Variants in SMIM40 observed in about 807,000 individuals in gnomAD.
SMIM40 encodes the protein small integral membrane protein 40.
intron 1 of SMIM40, among the ~76,000 whole-genome samples, chr6:33,326,087 G>T (rs1771152852): frequency 6.7e-6 from 1 of 149,118 alleles, no homozygotes; most frequent in African/African-American, 2.6e-5. Flanking sequence ...AAGTGGAGTA[G>T]TAGTAGGAGC....
At chr6:33,326,110 G>A (rs906161943) in intron 1 of SMIM40, among the ~76,000 whole-genome samples, 4 of 148,708 alleles carry the variant, frequency 2.7e-5, no homozygotes, top group Non-Finnish European at 5.9e-5. Context: ...AAGGAAAAAA[G>A]AGGTGATGAA....
At chr6:33,325,065 T>TA (rs985537406) in intron 1 of SMIM40, among the ~76,000 whole-genome samples, 1 of 151,704 alleles carries the variant, frequency 6.6e-6, no homozygotes, top group East Asian at 1.9e-4. Flanking sequence ...CTAATTTTTT[T>TA]AAAAAAAGTT....
chr6:33,323,868 T>G lies in SMIM40; in HGVS notation c.*100-4A>C, dbSNP rs1770960566. The stretch of plus-strand genomic sequence containing the variant: ...CAAATTGCCGCTGCGAGGGCTGCTG[T>G]GAGGCGAAATGAGGCTCATAAAATA... On this transcript the variant is annotated splice_region_variant and splice_polypyrimidine_tract_variant and intron_variant, in intron 2 of 2. Coordinates refer to ENST00000494082, the MANE Select transcript of SMIM40 (RefSeq NM_001369203.1). The G allele has an allele frequency of 6.6e-6, 1 of 152,292 alleles. No homozygotes were observed. The highest frequency in any genetic ancestry group is 1.5e-5 in the Non-Finnish European group (1 of 68,086). The allele number at this position is 152,292 out of a possible 1,614,324, so 9.4% of individuals were successfully genotyped here.
At chr6:33,326,200 G>A (rs1771160298) in intron 1 of SMIM40, among the ~76,000 whole-genome samples, 1 of 144,626 alleles carries the variant, frequency 6.9e-6, no homozygotes, top group South Asian at 2.2e-4. Context: ...TTGCTCTGTC[G>A]CCCAGGCTGG....
At position 33,329,119 on chromosome 6, in the gene SMIM40, C is replaced by T; in HGVS notation, c.147G>A (p.Glu49=). ...LALFLTLLML[E]AAYKLLWLLL... is the part of the protein sequence containing the mutation. The stretch of plus-strand genomic sequence containing the variant: ...GTAACCACAGCAGCTTATAAGCAGC[C>T]TCCAGCATCAGCAGTGTCAGGAAGA... The change falls in exon 1 of 3, where the codon GAG becomes GAA. Residue 49 remains glutamate (E), a synonymous_variant. Coordinates refer to ENST00000494082, the MANE Select transcript of SMIM40 (RefSeq NM_001369203.1). 2.5e-6 allele frequency: 1 copy of T among 398,920 alleles called. No individual in the cohort carries two copies. Among genetic ancestry groups the T allele is most frequent in the East Asian group, 3.6e-5 (1 of 28,090 alleles). The allele number at this position is 398,920 out of a possible 1,614,324, so 24.7% of individuals were successfully genotyped here.
At chr6:33,327,187 C>T (rs929226374) in intron 1 of SMIM40, among the ~76,000 whole-genome samples, 2 of 148,324 alleles carry the variant, frequency 1.3e-5, no homozygotes, top group Non-Finnish European at 2.9e-5. Context: ...TTTGGGAGGC[C>T]GAGGCAGGCA....
intron 1 of SMIM40, among the ~76,000 whole-genome samples, chr6:33,324,545 C>CTTTTTTTTTTTTTTTTTTCCTTTTT (rs1771014179): frequency 3.9e-5 from 4 of 103,214 alleles, no homozygotes; most frequent in African/African-American, 1.4e-4. Context: ...ACCACCTTTT[C>CTTTTTTTTTTTTTTTTTTCCTTTTT]TTTTTTTTTT....
chr6:33,329,103 G>T lies in SMIM40; in HGVS notation c.163C>A (p.Leu55Met). Residue 55 changes from leucine to methionine, a missense_variant, in exon 1 of 3, where the codon CTG (leucine) becomes ATG (methionine). Transcript: ENST00000494082. ...LLMLEAAYKLLWLLLWAKLGD... is the reference protein window; with the variant it reads ...LLMLEAAYKLMWLLLWAKLGD... Reference sequence around the variant, plus strand: ...AACTTTGCCCATAGTAGTAACCACAGCAGCTTATAAGCAGCCTCCAGCATC... The same window carrying T: ...AACTTTGCCCATAGTAGTAACCACATCAGCTTATAAGCAGCCTCCAGCATC... 1 of 398,880 alleles carries T rather than the reference G, an allele frequency of 2.5e-6. No homozygotes were observed. The highest frequency in any genetic ancestry group is 4.4e-6 in the Non-Finnish European group (1 of 226,284). The allele number at this position is 398,880 out of a possible 1,614,324, so 24.7% of individuals were successfully genotyped here. A position where few individuals can be genotyped will look rare whatever the true frequency, so the allele number is the denominator to read the frequency against.
intron 1 of SMIM40, 76 bp downstream of exon 1, chr6:33,328,911 A>C: frequency 5.4e-6 from 2 of 371,906 alleles, no homozygotes; most frequent in Non-Finnish European, 4.7e-6. Flanking sequence ...AAAAAAAAAG[A>C]CTGCTGCCCT....
At position 33,326,385 on chromosome 6, in the gene SMIM40, C is replaced by G. The variant is rs535757671; in HGVS notation, c.*40-2355G>C. On this transcript the variant is annotated intron_variant, in intron 1 of 2. Transcript: ENST00000494082. ...TGGATATGGGTTTTTGGCATGTTGG[C>G]CAGGCTGGTCTCAAACTCCTGACCT... is the stretch of plus-strand genomic sequence containing the variant. Among the ~76,000 whole-genome samples the G allele has an allele frequency of 1.9e-4, 28 of 147,278 alleles. No homozygotes were observed. The East Asian group carries it at 5.3e-3, about 28-fold the overall frequency.
chr6:33,325,512 T>C (rs1373942822), intron 1 of SMIM40, among the ~76,000 whole-genome samples: 1 of 148,770 alleles, frequency 6.7e-6, no homozygotes, highest in African/African-American at 2.6e-5. Context: ...CCCAGACTAC[T>C]ATCTTATTAA....
chr6:33,325,667 C>G (rs1233352550), intron 1 of SMIM40, among the ~76,000 whole-genome samples: 1 of 141,788 alleles, frequency 7.1e-6, no homozygotes, highest in Non-Finnish European at 1.5e-5. Context: ...CGGTGAAACC[C>G]TGTCTCTACT....
chr6:33,326,453 G>A (rs1771177927), intron 1 of SMIM40, among the ~76,000 whole-genome samples: 1 of 148,502 alleles, frequency 6.7e-6, no homozygotes, highest in Non-Finnish European at 1.5e-5. Context: ...TGGGATTACA[G>A]GCGTGAAGCA....
At chr6:33,326,114 T>C (rs1387176368) in intron 1 of SMIM40, among the ~76,000 whole-genome samples, 1 of 147,376 alleles carries the variant, frequency 6.8e-6, no homozygotes. Context: ...AAAAAAGAGG[T>C]GATGAAAGAA....
In SMIM40 at chr6:33,323,832, G is replaced by A. The variant is rs1393021078; in HGVS notation, c.*132C>T. 1 of 152,488 alleles carries A rather than the reference G, an allele frequency of 6.6e-6. No individual in the cohort carries two copies. The highest frequency in any genetic ancestry group is 2.4e-5 in the African/African-American group (1 of 41,440). The allele number at this position is 152,488 out of a possible 1,614,324, so 9.4% of individuals were successfully genotyped here. Reference sequence around the variant, plus strand: ...GGCGATGATGGGGTGGGGCTTGGAGGAGAGTTTGTGCAAATTGCCGCTGCG... The same window carrying A: ...GGCGATGATGGGGTGGGGCTTGGAGAAGAGTTTGTGCAAATTGCCGCTGCG... On this transcript the variant is annotated 3_prime_UTR_variant, in exon 3 of 3. Transcript: ENST00000494082.
At chr6:33,326,947 C>T (rs1023080361) in intron 1 of SMIM40, among the ~76,000 whole-genome samples, 4 of 147,630 alleles carry the variant, frequency 2.7e-5, no homozygotes, top group South Asian at 4.2e-4. Context: ...CATGATGAAA[C>T]CCCGTCTCTA....
intron 1 of SMIM40, among the ~76,000 whole-genome samples, chr6:33,328,212 G>A (rs1771331755): frequency 6.6e-6 from 1 of 150,446 alleles, no homozygotes; most frequent in African/African-American, 2.4e-5. Flanking sequence ...ATTTTTGGAA[G>A]GAGTCTCGCT....
intron 1 of SMIM40, among the ~76,000 whole-genome samples, chr6:33,328,669 C>T (rs1483546067): frequency 2.0e-5 from 3 of 151,742 alleles, no homozygotes; most frequent in African/African-American, 7.3e-5. Context: ...CAGGCAGATA[C>T]CTGAGGTCGG....
At chr6:33,326,451 C>T (rs1438440017) in intron 1 of SMIM40, among the ~76,000 whole-genome samples, 1 of 148,040 alleles carries the variant, frequency 6.8e-6, no homozygotes, top group Non-Finnish European at 1.5e-5. Flanking sequence ...GCTGGGATTA[C>T]AGGCGTGAAG....
Sources: gnomAD v4.1 joint callset for allele counts (sites outside exome capture counted in the v4.1 genomes callset) on GRCh38, gnomAD v4.1.1 for gene constraint, MANE v1.5 for transcripts, NCBI Gene and HGNC (gene_info 2026-07-23, HGNC 2026-07-21) for gene names.